Variants in AFAP1 observed in about 807,000 individuals in gnomAD.
The protein encoded by AFAP1 is actin filament associated protein 1.
In AFAP1, 75 loss-of-function variants were observed where a neutral mutation model predicts 93.9. That is an observed-to-expected ratio of 0.80 (90% CI 0.66 to 0.97). The LOEUF (loss-of-function observed/expected upper bound fraction) is 0.97, where lower values mean the gene tolerates loss of function less well. AFAP1 is among the 50% of genes least tolerant of loss of function. The pLI is 0.00. For missense variants in AFAP1, 1,201 were observed against 1,050.8 expected (o/e 1.14, Z -1.98); for synonymous variants, 517 against 430.7 (o/e 1.20, Z -2.48).
chr4:7,857,801 G>C (rs545399367), intron 3 of AFAP1, among the ~76,000 whole-genome samples: 1 of 152,118 alleles, frequency 6.6e-6, no homozygotes, highest in Non-Finnish European at 1.5e-5. Context: ...TCAAACAAAC[G>C]TTTGTGAACT....
intron 1 of AFAP1, among the ~76,000 whole-genome samples, chr4:7,897,978 A>C (rs1053899080): frequency 1.3e-5 from 2 of 152,106 alleles, no homozygotes; most frequent in Admixed American, 6.5e-5. Flanking sequence ...CTCAGGCCAA[A>C]ATCCTTGACA....
At chr4:7,894,873 A>C (rs1456395606) in intron 1 of AFAP1, among the ~76,000 whole-genome samples, 1 of 152,184 alleles carries the variant, frequency 6.6e-6, no homozygotes, top group South Asian at 2.1e-4. Context: ...AGGGGAAGGA[A>C]GGGCCATGGG....
chr4:7,798,848 TTC>T (rs1242151007), intron 10 of AFAP1: 9 of 964,238 alleles, frequency 9.3e-6, no homozygotes, highest in Non-Finnish European at 1.1e-5. Context: ...CACCCCGAGC[TTC>T]TCTGTCTGGG....
In AFAP1 at chr4:7,829,828, C is replaced by T. The variant is rs75967930; in HGVS notation, c.726+8696G>A. On this transcript the variant is annotated intron_variant, in intron 6 of 17. Coordinates refer to ENST00000420658, the MANE Select transcript of AFAP1 (RefSeq NM_001134647.2). ...TTAGCTATACATCAAAATTATAATA[C>T]GAATGCTGATAACCTTCATGGAAGT... Among the ~76,000 whole-genome samples the T allele has an allele frequency of 9.7e-3, 1,472 of 152,254 alleles. 17 individuals carry two copies. The highest frequency in any genetic ancestry group is 0.025 in the African/African-American group (1,038 of 41,546).
chr4:7,892,190 A>G (rs571032109), intron 1 of AFAP1, among the ~76,000 whole-genome samples: 3 of 152,210 alleles, frequency 2.0e-5, no homozygotes, highest in Non-Finnish European at 4.4e-5. Context: ...GGATGGGCAA[A>G]TTTCAGTAGG....
chr4:7,890,451 T>C (rs1718402054), intron 1 of AFAP1, among the ~76,000 whole-genome samples: 1 of 152,152 alleles, frequency 6.6e-6, no homozygotes, highest in East Asian at 1.9e-4. Context: ...CAAAAATATT[T>C]ATGACTCTGG....
chr4:7,887,442 C>A (rs138665984), intron 1 of AFAP1, among the ~76,000 whole-genome samples: 15 of 152,194 alleles, frequency 9.9e-5, no homozygotes, highest in Admixed American at 9.8e-4. Flanking sequence ...AATTTTATGT[C>A]AAATTTTCAA....
intron 1 of AFAP1, among the ~76,000 whole-genome samples, chr4:7,885,535 T>C (rs1248093576): frequency 1.3e-5 from 2 of 152,196 alleles, no homozygotes; most frequent in African/African-American, 2.4e-5. Flanking sequence ...CACTAGCCAG[T>C]AGACAGTTGG....
At chr4:7,781,689 A>T in intron 12 of AFAP1, 62 bp from the exon 13 acceptor site, 1 of 1,533,778 alleles carries the variant, frequency 6.5e-7, no homozygotes, top group Non-Finnish European at 8.8e-7. Context: ...CTTTTAGCAC[A>T]GTGAGATGTC....
At chr4:7,896,632 C>T (rs377144097) in intron 1 of AFAP1, among the ~76,000 whole-genome samples, 2 of 42,360 alleles carry the variant, frequency 4.7e-5, no homozygotes. Context: ...TCCCCACACA[C>T]CCAGGGCTCA....
intron 9 of AFAP1, among the ~76,000 whole-genome samples, chr4:7,805,160 C>T (rs1282347640): frequency 6.6e-6 from 1 of 152,164 alleles, no homozygotes; most frequent in African/African-American, 2.4e-5. Context: ...CTTGGCCTCC[C>T]GAGTCGTGGG....
chr4:7,824,280 GTTTGCT>G (rs1272522378), intron 6 of AFAP1, among the ~76,000 whole-genome samples: 1 of 152,152 alleles, frequency 6.6e-6, no homozygotes, highest in Non-Finnish European at 1.5e-5. Flanking sequence ...GTGGTATTTT[GTTTGCT>G]TTTAACTTGA....
Position 7,921,181 on chromosome 4 carries a change from C to CTTTTTTTTTT in AFAP1, c.-3+18465_-3+18474dup, listed in dbSNP as rs34764139. ...CCTACCCTATAAAATGAGAGCAAAA[C>CTTTTTTTTTT]TTTTTTTTTTTTTTTTTTTTGAGAT... is the stretch of plus-strand genomic sequence containing the variant. On this transcript the variant is annotated intron_variant, in intron 1 of 17. Coordinates refer to ENST00000420658, the MANE Select transcript of AFAP1 (RefSeq NM_001134647.2). Among the ~76,000 whole-genome samples, 10 of 95,106 alleles carry CTTTTTTTTTT rather than the reference C, an allele frequency of 1.1e-4. 1 individual carries two copies. Among genetic ancestry groups the CTTTTTTTTTT allele is most frequent in the African/African-American group, 3.8e-4 (9 of 23,488 alleles). 62.4% of individuals were successfully genotyped at this position (95,106 alleles called of 152,430 possible).
chr4:7,850,621 G>C (rs1186853881), intron 4 of AFAP1, among the ~76,000 whole-genome samples: 1 of 152,246 alleles, frequency 6.6e-6, no homozygotes, highest in Admixed American at 6.5e-5. Flanking sequence ...AAGGAGAGAA[G>C]GAAACAGCAG....
At chr4:7,769,996 G>A (rs1715196954) in intron 16 of AFAP1, among the ~76,000 whole-genome samples, 1 of 152,196 alleles carries the variant, frequency 6.6e-6, no homozygotes, top group Non-Finnish European at 1.5e-5. Context: ...AGGGGCAGGT[G>A]ACCCAAAGAC....
chr4:7,881,342 C>A (rs1252303589), intron 1 of AFAP1, among the ~76,000 whole-genome samples: 1 of 152,104 alleles, frequency 6.6e-6, no homozygotes, highest in Non-Finnish European at 1.5e-5. Context: ...CACATGGCAT[C>A]ACCTCCCTGA....
At chr4:7,793,300 A>G (rs1468602001) in intron 11 of AFAP1, among the ~76,000 whole-genome samples, 1 of 152,186 alleles carries the variant, frequency 6.6e-6, no homozygotes, top group Non-Finnish European at 1.5e-5. Flanking sequence ...GGGTCAGCAA[A>G]CTATTGGCCA....
Position 7,762,722 on chromosome 4 carries a change from A to AG in AFAP1, c.*1042dup, listed in dbSNP as rs1713986053. 6.6e-6 allele frequency: 1 copy of AG among 152,304 alleles called. No individual in the cohort carries two copies. The highest frequency in any genetic ancestry group is 6.5e-5 in the Admixed American group (1 of 15,286). The allele number at this position is 152,304 out of a possible 1,614,324, so 9.4% of individuals were successfully genotyped here. ...TTAGTGGTTTAACTTGACAAGCTGG[A>AG]GGAAGGGGAGGGGCAGGAGGCCCTG... On this transcript the variant is annotated 3_prime_UTR_variant, in exon 18 of 18. Coordinates refer to ENST00000420658, the MANE Select transcript of AFAP1 (RefSeq NM_001134647.2).
intron 6 of AFAP1, among the ~76,000 whole-genome samples, chr4:7,834,154 C>G (rs1470368730): frequency 7.4e-6 from 1 of 134,498 alleles, no homozygotes; most frequent in Non-Finnish European, 1.6e-5. Flanking sequence ...TACTACTCAG[C>G]CATAAAAAGG....
Sources: allele counts gnomAD v4.1 joint callset (sites outside exome capture counted in the v4.1 genomes callset), GRCh38; gene constraint gnomAD v4.1.1; transcripts MANE v1.5; gene names NCBI Gene and HGNC (gene_info 2026-07-23, HGNC 2026-07-21).